The following FHIT variants were observed in gnomAD, a reference collection of about 807,000 sequenced individuals.
FHIT encodes the protein fragile histidine triad diadenosine triphosphatase.
A neutral mutation model predicts 17.9 loss-of-function variants in FHIT; 19 were observed. The observed-to-expected ratio is 1.06, with a 90% CI of 0.74 to 1.56. The LOEUF is 1.56. FHIT is among the 40% of genes most tolerant of loss of function. The pLI, the probability that FHIT is intolerant of heterozygous loss-of-function variation, is 0.00. For synonymous variants in FHIT, 81 were observed against 69.7 expected, an observed-to-expected ratio of 1.16 and a Z score of -0.81; for missense variants, 248 against 189.2, an observed-to-expected ratio of 1.31 and a Z score of -1.82.
At chr3:60,653,637 A>C (rs2040048665) in intron 4 of FHIT, among the ~76,000 whole-genome samples, 1 of 147,356 alleles carries the variant, frequency 6.8e-6, no homozygotes, top group African/African-American at 2.5e-5. Flanking sequence ...AGTGGTAGAA[A>C]AATGAAATTC....
At chr3:60,455,262 T>C (rs1174824499) in intron 5 of FHIT, among the ~76,000 whole-genome samples, 3 of 152,116 alleles carry the variant, frequency 2.0e-5, no homozygotes, top group Non-Finnish European at 4.4e-5. Flanking sequence ...AGACTCTTCT[T>C]GACCAAAGAC....
chr3:60,113,652 C>T (rs989028932), intron 5 of FHIT, among the ~76,000 whole-genome samples: 15 of 151,624 alleles, frequency 9.9e-5, no homozygotes, highest in African/African-American at 3.7e-4. Flanking sequence ...GGGTGCACAA[C>T]AATGTGAATG....
chr3:60,582,198 T>C (rs1553659893), intron 4 of FHIT, among the ~76,000 whole-genome samples: 1 of 151,970 alleles, frequency 6.6e-6, no homozygotes, highest in African/African-American at 2.4e-5. Flanking sequence ...CAGGATATTT[T>C]TAAGCTTCTT....
intron 1 of FHIT, among the ~76,000 whole-genome samples, chr3:61,222,040 G>A (rs563158939): frequency 2.2e-4 from 34 of 152,300 alleles, no homozygotes; most frequent in Non-Finnish European, 4.3e-4. Context: ...CCCAGTGCTC[G>A]GATGGCCCAG....
intron 5 of FHIT, among the ~76,000 whole-genome samples, chr3:60,211,040 T>C (rs1167111396): frequency 3.6e-5 from 3 of 84,026 alleles, no homozygotes; most frequent in Non-Finnish European, 6.9e-5. Flanking sequence ...ACATGGTACA[T>C]CCCCCATGAT....
chr3:61,218,525 G>A (rs537488874), intron 1 of FHIT, among the ~76,000 whole-genome samples: 47 of 151,904 alleles, frequency 3.1e-4, no homozygotes, highest in Non-Finnish European at 6.5e-4. Context: ...AGGACAAAGG[G>A]CTGGAAGACG....
At chr3:59,975,864 C>T (rs1708385574) in intron 7 of FHIT, among the ~76,000 whole-genome samples, 1 of 147,314 alleles carries the variant, frequency 6.8e-6, no homozygotes, top group African/African-American at 2.5e-5. Flanking sequence ...ACTAGGAATC[C>T]AACCTACATG....
At chr3:60,794,339 C>G (rs1700897815) in intron 4 of FHIT, among the ~76,000 whole-genome samples, 1 of 151,434 alleles carries the variant, frequency 6.6e-6, no homozygotes, top group Non-Finnish European at 1.5e-5. Context: ...ATAGATTAGA[C>G]AGATAAATGC....
intron 3 of FHIT, among the ~76,000 whole-genome samples, chr3:61,028,675 G>A (rs1337652242): frequency 6.6e-6 from 1 of 152,156 alleles, no homozygotes; most frequent in Non-Finnish European, 1.5e-5. Flanking sequence ...CTGACCCAGA[G>A]CACTGTAGTG....
At chr3:60,782,940 T>A (rs567373045) in intron 4 of FHIT, among the ~76,000 whole-genome samples, 24 of 152,136 alleles carry the variant, frequency 1.6e-4, no homozygotes, top group Non-Finnish European at 3.1e-4. Flanking sequence ...CATGACCTAA[T>A]CACCTCAAAG....
intron 5 of FHIT, among the ~76,000 whole-genome samples, chr3:60,313,184 A>C (rs1576460549): frequency 6.6e-6 from 1 of 152,354 alleles, no homozygotes; most frequent in East Asian, 1.9e-4. Context: ...CACATGCTCT[A>C]AACATTACAT....
chr3:60,497,268 A>C (rs2034339132), intron 5 of FHIT, among the ~76,000 whole-genome samples: 1 of 152,018 alleles, frequency 6.6e-6, no homozygotes. Context: ...CAGAGGAAGG[A>C]GAATAAGATG....
intron 7 of FHIT, among the ~76,000 whole-genome samples, chr3:59,951,620 C>T (rs147916073): frequency 6.6e-6 from 1 of 152,138 alleles, no homozygotes; most frequent in African/African-American, 2.4e-5. Flanking sequence ...TTGTGCCCCC[C>T]ACCCCACCAT....
chr3:60,395,974 C>T (rs567766535), intron 5 of FHIT, among the ~76,000 whole-genome samples: 1 of 152,218 alleles, frequency 6.6e-6, no homozygotes, highest in South Asian at 2.1e-4. Context: ...ATGTCAACTC[C>T]ACAACAATGG....
chr3:59,876,945 C>T (rs889907570), intron 8 of FHIT, among the ~76,000 whole-genome samples: 1 of 152,168 alleles, frequency 6.6e-6, no homozygotes, highest in South Asian at 2.1e-4. Context: ...GAGGAGACAT[C>T]TGTGAAACAG....
intron 7 of FHIT, among the ~76,000 whole-genome samples, chr3:59,945,265 T>C (rs909755266): frequency 2.0e-5 from 3 of 152,238 alleles, no homozygotes; most frequent in African/African-American, 7.2e-5. Flanking sequence ...TGCATTTCTC[T>C]AATGATTAGT....
At position 60,308,739 on chromosome 3, in the gene FHIT, T is replaced by G. The variant is rs546842757; in HGVS notation, c.103+228121A>C. On this transcript the variant is annotated intron_variant, in intron 5 of 9. Transcript: ENST00000492590. ...GCATAGGACCTGGGTTACCGATGAT[T>G]CACTAAATGTCATCTATCACATCAC... Among the ~76,000 whole-genome samples the G allele has an allele frequency of 5.3e-5, 8 of 152,212 alleles. No homozygotes were observed. The East Asian group carries it at 1.5e-3, about 29-fold the overall frequency.
chr3:61,199,269 C>G (rs1449543703), intron 2 of FHIT, among the ~76,000 whole-genome samples: 1 of 152,092 alleles, frequency 6.6e-6, no homozygotes, highest in Non-Finnish European at 1.5e-5. Context: ...ATATCTGTGC[C>G]AAAAGATTAC....
chr3:59,754,219 T>C (rs1173968034), intron 8 of FHIT, among the ~76,000 whole-genome samples: 4 of 152,072 alleles, frequency 2.6e-5, no homozygotes, highest in Admixed American at 2.6e-4. Context: ...TAAGTAAGTT[T>C]GAGCCTAAAT....
Sources: gnomAD v4.1 joint callset for allele counts (sites outside exome capture counted in the v4.1 genomes callset) on GRCh38, gnomAD v4.1.1 for gene constraint, MANE v1.5 for transcripts, NCBI Gene and HGNC (gene_info 2026-07-23, HGNC 2026-07-21) for gene names.